Variants in ERC2 observed in about 807,000 individuals in gnomAD.
ERC2 encodes ERC protein 2.
In ERC2, 42 loss-of-function variants were observed where a neutral mutation model predicts 114.8. The ratio of observed to expected loss-of-function variants is 0.37; its 90% confidence interval spans 0.29 to 0.47. ERC2 has a LOEUF of 0.47. Among genes scored for constraint, ERC2 ranks in the 20% least tolerant of loss-of-function variants. The pLI, the probability that ERC2 is intolerant of heterozygous loss-of-function variation, is 0.99. For missense variants in ERC2, 939 were observed against 1,150.7 expected (o/e 0.82, Z 2.66); for synonymous variants, 454 against 425.5 (o/e 1.07, Z -0.82).
intron 17 of ERC2, chr3:55,612,702 G>A (rs1392909519): frequency 9.2e-5 from 14 of 152,116 alleles, no homozygotes; most frequent in Non-Finnish European, 1.6e-4. Context: ...CAGTTTTTCC[G>A]AGGCAAAATT....
chr3:55,912,848 C>T (rs1007332287), intron 13 of ERC2, among the ~76,000 whole-genome samples: 10 of 152,084 alleles, frequency 6.6e-5, no homozygotes, highest in African/African-American at 2.4e-4. Flanking sequence ...AAAAGCAAAA[C>T]AAAATCACAA....
At chr3:55,767,574 T>C (rs1208376925) in intron 14 of ERC2, among the ~76,000 whole-genome samples, 2 of 152,096 alleles carry the variant, frequency 1.3e-5, no homozygotes, top group Non-Finnish European at 1.5e-5. Flanking sequence ...CCTTCATGCG[T>C]ATAGACCTCT....
At chr3:55,720,494 AG>A (rs2064478582) in intron 15 of ERC2, among the ~76,000 whole-genome samples, 1 of 151,686 alleles carries the variant, frequency 6.6e-6, no homozygotes, top group African/African-American at 2.4e-5. Context: ...TATGTTGGCC[AG>A]GCTGGTCTCA....
intron 2 of ERC2, among the ~76,000 whole-genome samples, chr3:56,415,393 A>G (rs1241712255): frequency 6.6e-6 from 1 of 152,232 alleles, no homozygotes; most frequent in African/African-American, 2.4e-5. Context: ...CTCTATAACT[A>G]TCATTTTTCT....
intron 10 of ERC2, among the ~76,000 whole-genome samples, chr3:55,999,146 C>T (rs768079963): frequency 1.3e-5 from 2 of 152,194 alleles, no homozygotes; most frequent in African/African-American, 2.4e-5. Context: ...TGATGAAACA[C>T]GCATATTATT....
chr3:55,559,837 C>A (rs1407687916), intron 17 of ERC2, among the ~76,000 whole-genome samples: 2 of 152,242 alleles, frequency 1.3e-5, no homozygotes, highest in African/African-American at 4.8e-5. Context: ...TCTCCCCAGG[C>A]AAGACCATAT....
At chr3:55,564,835 T>C (rs1477095694) in intron 17 of ERC2, among the ~76,000 whole-genome samples, 1 of 152,232 alleles carries the variant, frequency 6.6e-6, no homozygotes, top group East Asian at 1.9e-4. Flanking sequence ...GCAGAATCCA[T>C]GTCCTAGGAC....
intron 14 of ERC2, among the ~76,000 whole-genome samples, chr3:55,864,124 C>CACATATATAT (rs1559782669): frequency 8.6e-5 from 12 of 139,614 alleles, no homozygotes; most frequent in East Asian, 6.0e-4. Flanking sequence ...TATATACACA[C>CACATATATAT]ACACATATAT....
intron 4 of ERC2, among the ~76,000 whole-genome samples, chr3:56,170,432 T>C (rs1219292967): frequency 6.6e-6 from 1 of 152,162 alleles, no homozygotes; most frequent in Non-Finnish European, 1.5e-5. Context: ...TAGGCAAGAT[T>C]TCACAGACTT....
chr3:55,836,093 G>C (rs1311936884), intron 14 of ERC2, among the ~76,000 whole-genome samples: 1 of 151,244 alleles, frequency 6.6e-6, no homozygotes, highest in Non-Finnish European at 1.5e-5. Context: ...ACTGCTCAAT[G>C]AAATAAAAGA....
intron 14 of ERC2, among the ~76,000 whole-genome samples, chr3:55,820,961 C>T (rs948309270): frequency 1.4e-4 from 21 of 151,924 alleles, no homozygotes; most frequent in African/African-American, 4.8e-4. Flanking sequence ...GTTTCCTTGG[C>T]TGCTTGTTCA....
At chr3:55,937,056 A>G (rs1055944230) in intron 13 of ERC2, among the ~76,000 whole-genome samples, 6 of 152,206 alleles carry the variant, frequency 3.9e-5, no homozygotes, top group Non-Finnish European at 8.8e-5. Context: ...AAAAGCAATT[A>G]CAGGCCGGGC....
rs942407875 is a variant in ERC2 at position 55,510,536 on chromosome 3, G to A, written c.*780C>T. On this transcript the variant is annotated 3_prime_UTR_variant, in exon 18 of 18. Coordinates refer to ENST00000288221, the MANE Select transcript of ERC2 (RefSeq NM_015576.3). ...AAAATTATGAATGATCAATTTAGAT[G>A]TGCCACGCATTGTCAGAGACACACA... The A allele has an allele frequency of 6.6e-6, 1 of 152,622 alleles. No individual in the cohort carries two copies. The highest frequency in any genetic ancestry group is 1.5e-5 in the Non-Finnish European group (1 of 68,036). 9.5% of individuals were successfully genotyped at this position (152,622 alleles called of 1,614,324 possible).
chr3:56,417,343 T>C (rs1235875643), intron 2 of ERC2, among the ~76,000 whole-genome samples: 1 of 152,196 alleles, frequency 6.6e-6, no homozygotes, highest in Non-Finnish European at 1.5e-5. Context: ...TATTTCAATG[T>C]AGCATACCAG....
chr3:55,879,747 A>G, intron 14 of ERC2, among the ~76,000 whole-genome samples: 2 of 152,196 alleles, frequency 1.3e-5, no homozygotes, highest in East Asian at 1.9e-4. Context: ...GAGACTGCCA[A>G]TTGCCCCCAA....
At chr3:55,559,351 C>T (rs2055845983) in intron 17 of ERC2, among the ~76,000 whole-genome samples, 1 of 152,248 alleles carries the variant, frequency 6.6e-6, no homozygotes, top group Non-Finnish European at 1.5e-5. Flanking sequence ...TGTGTGCATG[C>T]ACTTAAGGCC....
At chr3:55,533,707 C>T (rs780221846) in intron 17 of ERC2, among the ~76,000 whole-genome samples, 123 of 152,312 alleles carry the variant, frequency 8.1e-4, no homozygotes, top group Middle Eastern at 3.4e-3. Context: ...CAGCAACACA[C>T]GTGTGCTGCT....
chr3:56,420,053 A>G (rs2061327630), intron 2 of ERC2, among the ~76,000 whole-genome samples: 2 of 151,476 alleles, frequency 1.3e-5, no homozygotes, highest in East Asian at 3.9e-4. Flanking sequence ...CTTTTATATT[A>G]TTTCACATGG....
At chr3:55,927,460 A>G (rs1034111400) in intron 13 of ERC2, among the ~76,000 whole-genome samples, 2 of 151,648 alleles carry the variant, frequency 1.3e-5, no homozygotes, top group Non-Finnish European at 2.9e-5. Flanking sequence ...TTTTATTTTC[A>G]ATTTTTGTGG....
Sources: allele counts gnomAD v4.1 joint callset (sites outside exome capture counted in the v4.1 genomes callset), GRCh38; gene constraint gnomAD v4.1.1; transcripts MANE v1.5; gene names NCBI Gene and HGNC (gene_info 2026-07-23, HGNC 2026-07-21).